Variants in BOP1 observed in about 807,000 individuals in gnomAD.
BOP1 encodes BOP1 ribosomal biogenesis factor, also known as ribosome biogenesis protein BOP1.
BOP1 carries 54 observed loss-of-function variants against 82.9 expected under a neutral mutation model. That is an observed-to-expected ratio of 0.65 (90% CI 0.52 to 0.82). The LOEUF is 0.82. Ranked by LOEUF, BOP1 falls within the 40% of genes least tolerant of loss-of-function variation. The pLI is 0.00. For synonymous variants in BOP1, 566 were observed against 451.1 expected, an observed-to-expected ratio of 1.25 and a Z score of -3.23; for missense variants, 1,170 against 1,072.0, an observed-to-expected ratio of 1.09 and a Z score of -1.28.
At chr8:144,267,898 C>G (rs946860292) in intron 3 of BOP1, among the ~76,000 whole-genome samples, 12 of 152,228 alleles carry the variant, frequency 7.9e-5, no homozygotes, top group African/African-American at 2.9e-4. Flanking sequence ...CTCCTGGGGC[C>G]TGAACATCTG....
chr8:144,273,393 C>G (rs1381108735), intron 3 of BOP1, among the ~76,000 whole-genome samples: 1 of 132,954 alleles, frequency 7.5e-6, no homozygotes, highest in Admixed American at 7.0e-5. Flanking sequence ...ACTCCAGACT[C>G]CAGTGGAGGC....
At chr8:144,270,281 G>T (rs1448114248) in intron 3 of BOP1, among the ~76,000 whole-genome samples, 1 of 152,192 alleles carries the variant, frequency 6.6e-6, no homozygotes, top group Non-Finnish European at 1.5e-5. Context: ...GGTCTGGGCA[G>T]GGTCAAGAGG....
At chr8:144,284,197 C>G (rs781788629) in intron 2 of BOP1, among the ~76,000 whole-genome samples, 5 of 152,138 alleles carry the variant, frequency 3.3e-5, no homozygotes, top group Non-Finnish European at 7.4e-5. Flanking sequence ...ACCAGGGAGG[C>G]TGAGGTAGGA....
chr8:144,264,833 T>C lies in BOP1; in HGVS notation c.546-2A>G. The C allele has an allele frequency of 6.2e-7, 1 of 1,608,944 alleles. No individual in the cohort carries two copies. The highest frequency in any genetic ancestry group is 1.1e-5 in the South Asian group (1 of 90,796). ...GTCATCGGGTCCTGCACGGTGCGCC[T>C]GGAGACCGCCAGTCAGACCCCGCCA... On this transcript the variant is annotated splice_acceptor_variant, in intron 4 of 15. Coordinates refer to ENST00000569669, the MANE Select transcript of BOP1 (RefSeq NM_015201.5). LOFTEE classifies it high-confidence loss of function.
intron 3 of BOP1, among the ~76,000 whole-genome samples, chr8:144,274,651 T>G (rs1174907868): frequency 1.3e-5 from 2 of 152,104 alleles, no homozygotes; most frequent in Non-Finnish European, 2.9e-5. Flanking sequence ...GACCAACATA[T>G]GGGATAGTCA....
intron 3 of BOP1, among the ~76,000 whole-genome samples, chr8:144,270,785 C>G (rs1177242992): frequency 6.6e-6 from 1 of 152,148 alleles, no homozygotes; most frequent in African/African-American, 2.4e-5. Context: ...GCTGGCCTCA[C>G]CTCCACAGAG....
chr8:144,268,474 C>T (rs1433388341), intron 3 of BOP1: 1 of 470,614 alleles, frequency 2.1e-6, no homozygotes, highest in Non-Finnish European at 3.8e-6. Flanking sequence ...AAAACAGTAT[C>T]TTCCAAATAT....
At position 144,263,996 on chromosome 8, in the gene BOP1, C is replaced by A; in HGVS notation, c.1125G>T (p.Arg375=). ...ERCLDLYLCP[R]QRKMRVNVDP... ...CCCCACACACCCTCATCTTGCGCTG[C>A]CGTGGGCACAGGTACAGGTCAAGGC... The change falls in exon 8 of 16, where the codon CGG becomes CGT. Residue 375 remains arginine, a synonymous_variant. Transcript: ENST00000569669. 1.2e-6 allele frequency: 2 copies of A among 1,609,494 alleles called. No individual in the cohort carries two copies. The highest frequency in any genetic ancestry group is 1.7e-5 in the Admixed American group (1 of 59,996).
chr8:144,264,768 C>T lies in BOP1; in HGVS notation c.609G>A (p.Leu203=). 1 of 1,604,718 alleles carries T rather than the reference C, an allele frequency of 6.2e-7. No individual in the cohort carries two copies. Among genetic ancestry groups the T allele is most frequent in the South Asian group, 1.1e-5 (1 of 89,850 alleles). ...DLRLTDEQVA[L]VRRLQSGQFG... is the part of the protein sequence containing the mutation. The stretch of plus-strand genomic sequence containing the variant: ...ACTGGCCACTCTGCAGCCGCCGCAC[C>T]AGGGCCACCTGCTCATCCGTCAGTC... Residue 203 remains leucine (L), a synonymous_variant, in exon 5 of 16, where the codon CTG becomes CTA. Coordinates refer to ENST00000569669, the MANE Select transcript of BOP1 (RefSeq NM_015201.5).
At chr8:144,276,590 G>A (rs1300875736) in intron 2 of BOP1, among the ~76,000 whole-genome samples, 4 of 152,192 alleles carry the variant, frequency 2.6e-5, no homozygotes, top group African/African-American at 9.7e-5. Flanking sequence ...AGACACGGAA[G>A]CCACTGGGGC....
rs60868806 is a variant in BOP1 at position 144,283,201 on chromosome 8, C to CAAAAAAAAAAAAAAA, written c.309+5879_309+5893dup. Among the ~76,000 whole-genome samples, 435 of 54,262 alleles carry CAAAAAAAAAAAAAAA rather than the reference C, an allele frequency of 8.0e-3. 28 individuals carry two copies. The highest frequency in any genetic ancestry group is 0.023 in the African/African-American group (170 of 7,348). The allele number at this position is 54,262 out of a possible 152,430, so 35.6% of individuals were successfully genotyped here. ...CGATAAGAGCAAAAAAACTCCATCT[C>CAAAAAAAAAAAAAAA]AAAAAAAAAAAAAAAAAAAAAAAAG... On this transcript the variant is annotated intron_variant, in intron 2 of 15. Transcript: ENST00000569669.
rs1815069290 is a variant in BOP1 at position 144,291,361 on chromosome 8, A to G, written c.10T>C (p.Ser4Pro). Residue 4 changes from serine (S) to proline (P), a missense_variant, in exon 1 of 16, where the codon TCG becomes CCG. Coordinates refer to ENST00000569669, the MANE Select transcript of BOP1 (RefSeq NM_015201.5). The surrounding 1 kb of genome is among the most constrained non-coding windows in gnomAD (Gnocchi z 4.1). Reference sequence around the variant, plus strand: ...GCCGCCGTGCGCCCCGCACCCCGCGAACCCGCCATGCCCCACCGCGCGCCG... The same window carrying G: ...GCCGCCGTGCGCCCCGCACCCCGCGGACCCGCCATGCCCCACCGCGCGCCG... MAG[S>P]RGAGRTAAPS... The G allele has an allele frequency of 7.4e-7, 1 of 1,344,018 alleles. No individual in the cohort carries two copies. Among genetic ancestry groups the G allele is most frequent in the East Asian group, 3.5e-5 (1 of 28,918 alleles). The allele number at this position is 1,344,018 out of a possible 1,614,324, so 83.3% of individuals were successfully genotyped here.
Position 144,289,187 on chromosome 8 carries a change from C to G in BOP1, c.217G>C (p.Asp73His). 1 of 1,614,238 alleles carries G rather than the reference C, an allele frequency of 6.2e-7. No individual in the cohort carries two copies. The highest frequency in any genetic ancestry group is 8.5e-7 in the Non-Finnish European group (1 of 1,180,048). The part of the protein sequence containing the change: ...LEDSGSDSSE[D>H]DDEGDEEGED... ...CCCTCCTCGTCGCCTTCGTCATCATCCTCACTGCTGTCACTGCCGGAATCT... is the reference window on the plus strand; with the variant it reads ...CCCTCCTCGTCGCCTTCGTCATCATGCTCACTGCTGTCACTGCCGGAATCT... The change falls in exon 2 of 16, where the codon GAT becomes CAT. Residue 73 changes from aspartate (D) to histidine (H), a missense_variant. Asp to His is a moderately conservative substitution (Grantham distance 81). Coordinates refer to ENST00000569669, the MANE Select transcript of BOP1 (RefSeq NM_015201.5).
At chr8:144,274,093 G>A (rs1250159141) in intron 3 of BOP1, among the ~76,000 whole-genome samples, 1 of 152,088 alleles carries the variant, frequency 6.6e-6, no homozygotes, top group African/African-American at 2.4e-5. Context: ...TGGCAGGGAG[G>A]CACCTCCCAC....
At chr8:144,267,247 AGAG>A (rs1845395476) in intron 3 of BOP1, 11 of 1,437,322 alleles carry the variant, frequency 7.7e-6, no homozygotes, top group Non-Finnish European at 8.1e-6. Context: ...CCTGCCAGGC[AGAG>A]GAGGCGAGGC....
chr8:144,290,843 CA>C (rs782478540), intron 1 of BOP1, among the ~76,000 whole-genome samples: 9 of 152,222 alleles, frequency 5.9e-5, no homozygotes, highest in Non-Finnish European at 1.3e-4. Flanking sequence ...CAGAGAGCAA[CA>C]GTGAGTTCTA....
chr8:144,267,178 T>G lies in BOP1; in HGVS notation c.391-2107A>C. The G allele has an allele frequency of 2.6e-6, 4 of 1,525,492 alleles. No homozygotes were observed. The East Asian group carries it at 8.1e-5, about 31-fold the overall frequency. 94.5% of individuals were successfully genotyped at this position (1,525,492 alleles called of 1,614,324 possible). A position where few individuals can be genotyped will look rare whatever the true frequency, so the allele number is the denominator to read the frequency against. ...CTTCTGCCTCAGCAACCAGAGAAAG[T>G]TGGTGAGCACGGGCCGTGGGGCGCC... On this transcript the variant is annotated intron_variant, in intron 3 of 15. Transcript: ENST00000569669.
At chr8:144,288,126 C>T (rs1160915842) in intron 2 of BOP1, among the ~76,000 whole-genome samples, 2 of 151,894 alleles carry the variant, frequency 1.3e-5, no homozygotes, top group Admixed American at 6.6e-5. Flanking sequence ...AAAAATTAGC[C>T]GAGCCTGGTA....
intron 2 of BOP1, among the ~76,000 whole-genome samples, chr8:144,279,882 C>T (rs587599787): frequency 3.3e-5 from 5 of 152,242 alleles, no homozygotes; most frequent in South Asian, 4.2e-4. Context: ...CTGTCAGGGG[C>T]GGTCTGGACA....
Sources: allele counts gnomAD v4.1 joint callset (sites outside exome capture counted in the v4.1 genomes callset), GRCh38; gene constraint gnomAD v4.1.1; non-coding constraint Gnocchi (gnomAD v3.1); transcripts MANE v1.5; gene names NCBI Gene and HGNC (gene_info 2026-07-23, HGNC 2026-07-21).